TBC1D17: variants seen among roughly 807,000 people sequenced by gnomAD.
The protein encoded by TBC1D17 is TBC1 domain family member 17.
In TBC1D17, 69 loss-of-function variants were observed where a neutral mutation model predicts 78.8. The ratio of observed to expected loss-of-function variants is 0.88; its 90% CI spans 0.72 to 1.07. The LOEUF is 1.07. Ranked by LOEUF, TBC1D17 falls within the 50% of genes least tolerant of loss-of-function variation. TBC1D17 has a pLI of 0.00. For missense variants in TBC1D17, 957 were observed against 861.0 expected, an observed-to-expected ratio of 1.11 and a Z score of -1.39; for synonymous variants, 456 against 358.3, an observed-to-expected ratio of 1.27 and a Z score of -3.08.
At chr19:49,888,057 A>C in intron 15 of TBC1D17, 174 bp from the exon 16 acceptor site, 2 of 1,135,982 alleles carry the variant, frequency 1.8e-6, no homozygotes, top group Non-Finnish European at 2.5e-6. Flanking sequence ...CTCCCCGAGT[A>C]CGTGCTCAGA....
In TBC1D17 at chr19:49,884,302, C is replaced by A; in HGVS notation, c.1176C>A (p.Pro392=). The A allele has an allele frequency of 6.2e-7, 1 of 1,613,974 alleles. No individual in the cohort carries two copies. Among genetic ancestry groups the A allele is most frequent in the Non-Finnish European group, 8.5e-7 (1 of 1,180,008 alleles). The change falls in exon 11 of 17, where the codon CCC becomes CCA. Residue 392 remains proline (P), a synonymous_variant. Coordinates refer to ENST00000221543, the MANE Select transcript of TBC1D17 (RefSeq NM_024682.3). ...TDRTNKFYEG[P]ENPGLGLLND... ...GGACCAACAAGTTCTACGAGGGTCCCGAGAACCCGGGGCTGGGCCTGCTGA... is the reference window on the plus strand; with the variant it reads ...GGACCAACAAGTTCTACGAGGGTCCAGAGAACCCGGGGCTGGGCCTGCTGA...
At position 49,884,518 on chromosome 19, in the gene TBC1D17, G is replaced by A. The variant is rs1269050134; in HGVS notation, c.1303G>A (p.Val435Met). 4 of 1,614,204 alleles carry A rather than the reference G, an allele frequency of 2.5e-6. No homozygotes were observed. The highest frequency in any genetic ancestry group is 1.1e-5 in the South Asian group (1 of 91,088). The change falls in exon 12 of 17, where the codon GTG (valine) becomes ATG (methionine). Residue 435 changes from valine (V) to methionine (M), a missense_variant. Val to Met is a conservative substitution (Grantham distance 21, BLOSUM62 1). Transcript: ENST00000221543. ...SPILYVIQNEVDAFWCFCGFM... is the reference protein window; with the variant it reads ...SPILYVIQNEMDAFWCFCGFM... ...GATCCTCTACGTCATTCAGAACGAG[G>A]TGGATGCTTTCTGGTGTTTCTGTGG...
rs778080823 is a variant in TBC1D17, at chr19:49,882,773, G to C, written c.808G>C (p.Gly270Arg). Residue 270 changes from glycine to arginine, a missense_variant, in exon 8 of 17, where the codon GGG (glycine) becomes CGG (arginine). Transcript: ENST00000221543. ...GFEVISCVELGPRPTVERGPP... is the reference protein window; with the variant it reads ...GFEVISCVELRPRPTVERGPP... The stretch of plus-strand genomic sequence containing the variant: ...TGCTCTTTGCCTGCAGGTGGAGCTG[G>C]GGCCTCGGCCAACCGTGGAGCGGGG... The C allele has an allele frequency of 1.3e-6, 2 of 1,574,002 alleles. No individual in the cohort carries two copies. Among genetic ancestry groups the C allele is most frequent in the South Asian group, 1.1e-5 (1 of 87,146 alleles).
intron 3 of TBC1D17, chr19:49,878,946 C>T (rs1252039429): frequency 4.2e-6 from 1 of 237,088 alleles, no homozygotes; most frequent in Non-Finnish European, 8.4e-6. Flanking sequence ...TCACTGCTCC[C>T]GGCTTTCCCT....
At position 49,888,604 on chromosome 19, in the gene TBC1D17, G is replaced by A; in HGVS notation, c.1927G>A (p.Asp643Asn). Residue 643 changes from aspartate to asparagine, a missense_variant, in exon 17 of 17, where the codon GAC becomes AAC. Transcript: ENST00000221543. ...SSLEILPEEE[D>N]EGADS ...CCTGGAGATCCTGCCCGAGGAGGAG[G>A]ACGAGGGCGCCGACTCCTAACCCCG... 2.0e-6 allele frequency: 3 copies of A among 1,536,400 alleles called. No homozygotes were observed. The highest frequency in any genetic ancestry group is 1.7e-4 in the Middle Eastern group (1 of 5,954).
At chr19:49,888,007 T>A in intron 15 of TBC1D17, 173 bp downstream of exon 15, 2 of 924,596 alleles carry the variant, frequency 2.2e-6, no homozygotes. Flanking sequence ...CCATGCCTGC[T>A]CCCAGCAAGG....
At chr19:49,882,715 C>G (rs771055551) in intron 7 of TBC1D17, 49 bp from the exon 8 acceptor site, 2 of 1,473,442 alleles carry the variant, frequency 1.4e-6, no homozygotes, top group Non-Finnish European at 1.8e-6. Flanking sequence ...TGGGTTGGGT[C>G]CCCCCACCAC....
Position 49,884,514 on chromosome 19 carries a change from C to T in TBC1D17, c.1299C>T (p.Asn433=), listed in dbSNP as rs201269112. The T allele has an allele frequency of 2.5e-5, 41 of 1,614,054 alleles. No individual in the cohort carries two copies. Among genetic ancestry groups the T allele is most frequent in the African/African-American group, 4.0e-5 (3 of 74,926 alleles). ...CCCCGATCCTCTACGTCATTCAGAA[C>T]GAGGTGGATGCTTTCTGGTGTTTCT... ...LLSPILYVIQ[N]EVDAFWCFCG... Residue 433 remains asparagine (N), a synonymous_variant, in exon 12 of 17, where the codon AAC becomes AAT. Transcript: ENST00000221543.
chr19:49,882,429 T>C (rs778373159), intron 7 of TBC1D17, 29 bp downstream of exon 7: 1 of 1,583,754 alleles, frequency 6.3e-7, no homozygotes, highest in South Asian at 1.1e-5. Flanking sequence ...CTCCCTGTTA[T>C]TTCTGGCCGT....
Position 49,888,269 on chromosome 19 carries a change from C to T in TBC1D17, c.1698C>T (p.Asp566=). ...TGACTATGAAGCTGAGCGTGGAGGA[C>T]GTGCTGACCCGCGCCGAGGCCCTGC... ...NELTMKLSVE[D]VLTRAEALHR... The change falls in exon 16 of 17, where the codon GAC becomes GAT. Residue 566 remains aspartate, a synonymous_variant. Transcript: ENST00000221543. The T allele has an allele frequency of 6.3e-7, 1 of 1,593,820 alleles. No individual in the cohort carries two copies. The highest frequency in any genetic ancestry group is 8.5e-7 in the Non-Finnish European group (1 of 1,171,026).
At chr19:49,884,155 C>A in intron 10 of TBC1D17, 98 bp from the exon 11 acceptor site, 1 of 1,093,122 alleles carries the variant, frequency 9.1e-7, no homozygotes. Context: ...AGGCTGGGGG[C>A]TGCCAGCAGG....
In TBC1D17 at chr19:49,882,337, C is replaced by T. The variant is rs1475946891; in HGVS notation, c.735C>T (p.Ala245=). The change falls in exon 7 of 17, where the codon GCC becomes GCT. Residue 245 remains alanine, a synonymous_variant. Coordinates refer to ENST00000221543, the MANE Select transcript of TBC1D17 (RefSeq NM_024682.3). ...RGALQPQPEG[A]ASDLPPPPDD... is the part of the protein sequence containing the mutation. ...CCCTGCAGCCACAGCCTGAGGGAGC[C>T]GCCTCCGACCTTCCCCCGCCACCCG... is the stretch of plus-strand genomic sequence containing the variant. 20 of 1,610,654 alleles carry T rather than the reference C, an allele frequency of 1.2e-5. No homozygotes were observed. The highest frequency in any genetic ancestry group is 1.6e-4 in the Middle Eastern group (1 of 6,082).
Position 49,882,243 on chromosome 19 carries a change from G to A in TBC1D17, c.641G>A (p.Arg214His), listed in dbSNP as rs753900994. Residue 214 changes from arginine (R) to histidine (H), a missense_variant and splice_region_variant, in exon 7 of 17, where the codon CGC (arginine) becomes CAC (histidine). Transcript: ENST00000221543. ...ACCTCCCTTTGGCCTCGTCCCCAGCGCTTCCTCCAGGATCCCTACTCCACC... is the reference window on the plus strand; with the variant it reads ...ACCTCCCTTTGGCCTCGTCCCCAGCACTTCCTCCAGGATCCCTACTCCACC... ...FDQDSSNVVS[R>H]FLQDPYSTTF... 2.3e-5 allele frequency: 37 copies of A among 1,611,932 alleles called. No homozygotes were observed. The highest frequency in any genetic ancestry group is 3.1e-5 in the Non-Finnish European group (36 of 1,179,934).
At chr19:49,883,777 G>A in intron 10 of TBC1D17, 32 bp downstream of exon 10, 1 of 1,588,516 alleles carries the variant, frequency 6.3e-7, no homozygotes, top group Non-Finnish European at 8.6e-7. Flanking sequence ...TAGGGTGGAT[G>A]GGAGCAGGGA....
At chr19:49,887,205 A>G (rs2075065571) in intron 13 of TBC1D17, 1 of 464,826 alleles carries the variant, frequency 2.2e-6, no homozygotes, top group South Asian at 2.1e-5. Flanking sequence ...AGCAGCGGGC[A>G]GAGGTCTGTT....
chr19:49,886,609 CAT>C (rs2075060458), intron 13 of TBC1D17: 1 of 152,216 alleles, frequency 6.6e-6, no homozygotes, highest in Non-Finnish European at 1.5e-5. Flanking sequence ...CATCACGGTG[CAT>C]AGTCTGGGTA....
At chr19:49,879,085 G>A (rs1184038800) in intron 3 of TBC1D17, 1 of 153,452 alleles carries the variant, frequency 6.5e-6, no homozygotes, top group African/African-American at 2.4e-5. Context: ...TGATAGATGA[G>A]GTCGAAAACG....
intron 3 of TBC1D17, 109 bp from the exon 4 acceptor site, chr19:49,880,166 CTTCT>C: frequency 7.1e-7 from 1 of 1,402,928 alleles, no homozygotes; most frequent in Non-Finnish European, 9.8e-7. Flanking sequence ...CCTGCTGTAC[CTTCT>C]TTGTGCCTCA....
intron 2 of TBC1D17, 127 bp downstream of exon 2, chr19:49,878,368 G>A (rs1388106216): frequency 2.4e-6 from 3 of 1,227,608 alleles, no homozygotes; most frequent in Non-Finnish European, 2.4e-6. Context: ...CTGGGTGTGG[G>A]AACTGGAATG....
Sources: gnomAD v4.1 joint callset for allele counts on GRCh38, gnomAD v4.1.1 for gene constraint, MANE v1.5 for transcripts, NCBI Gene and HGNC (gene_info 2026-07-23, HGNC 2026-07-21) for gene names.